The following PCDHGA7 variants were observed in gnomAD, a reference collection of about 807,000 sequenced individuals.
PCDHGA7 encodes protocadherin gamma-A7.
A neutral mutation model predicts 58.3 loss-of-function variants in PCDHGA7; 44 were observed. That is an observed-to-expected ratio of 0.75 (90% CI 0.59 to 0.97). The LOEUF is 0.97. Ranked by LOEUF, PCDHGA7 falls within the 50% of genes least tolerant of loss-of-function variation. The pLI, the probability that PCDHGA7 is intolerant of heterozygous loss-of-function variation, is 0.00. For missense variants in PCDHGA7, 1,266 were observed against 1,188.7 expected (o/e 1.06, Z -0.96); for synonymous variants, 516 against 504.2 (o/e 1.02, Z -0.31).
At position 141,489,300 on chromosome 5, in the gene PCDHGA7, C is replaced by T; in HGVS notation, c.2425-5507C>T. 1 of 1,585,700 alleles carries T rather than the reference C, an allele frequency of 6.3e-7. No individual in the cohort carries two copies. The highest frequency in any genetic ancestry group is 1.3e-5 in the African/African-American group (1 of 74,388). On this transcript the variant is annotated intron_variant, in intron 1 of 3. Coordinates refer to ENST00000518325, the MANE Select transcript of PCDHGA7 (RefSeq NM_018920.4). This position sits in a 1 kb window ranked among gnomAD's most constrained non-coding sequence, Gnocchi z 4.5. The stretch of plus-strand genomic sequence containing the variant: ...AATGGCAAGTGCTGTGCATGTTGTC[C>T]TTGTGCTGCTGGGGCTGGGTGTCTG...
chr5:141,439,625 CCA>C (rs1281773200), intron 1 of PCDHGA7, among the ~76,000 whole-genome samples: 1 of 152,150 alleles, frequency 6.6e-6, no homozygotes, highest in African/African-American at 2.4e-5. Flanking sequence ...GAGCCAATCC[CCA>C]GACATTCCGG....
chr5:141,501,544 G>T (rs1297191346), intron 2 of PCDHGA7, among the ~76,000 whole-genome samples: 3 of 151,962 alleles, frequency 2.0e-5, no homozygotes, highest in African/African-American at 7.3e-5. Flanking sequence ...TTGTGCATAA[G>T]ATCATAGGCC....
chr5:141,413,218 A>C, intron 1 of PCDHGA7: 1 of 1,613,610 alleles, frequency 6.2e-7, no homozygotes, highest in Non-Finnish European at 8.5e-7. Context: ...AAAGGATTGC[A>C]GCGGGCTGGT....
chr5:141,489,732 C>CA lies in PCDHGA7; in HGVS notation c.2425-5073dup, dbSNP rs770971020. On this transcript the variant is annotated intron_variant, in intron 1 of 3. Transcript: ENST00000518325. This position sits in a 1 kb window ranked among gnomAD's most constrained non-coding sequence, Gnocchi z 4.5. ...GTGCCCAGGATCCGGATGTGGGCAC[C>CA]AATACTGTGAGCTTTTACACTCTAA... 4.3e-6 allele frequency: 7 copies of CA among 1,614,008 alleles called. No individual in the cohort carries two copies. Among genetic ancestry groups the CA allele is most frequent in the Non-Finnish European group, 5.9e-6 (7 of 1,180,002 alleles).
intron 1 of PCDHGA7, among the ~76,000 whole-genome samples, chr5:141,405,721 A>G (rs1295046106): frequency 1.3e-5 from 2 of 151,702 alleles, no homozygotes; most frequent in African/African-American, 4.8e-5. Context: ...CAAGTGATCC[A>G]CCCACCTCAG....
Position 141,384,013 on chromosome 5 carries a change from C to T in PCDHGA7, c.1114C>T (p.Gln372Ter). 1 of 1,613,758 alleles carries T rather than the reference C, an allele frequency of 6.2e-7. No homozygotes were observed. Among genetic ancestry groups the T allele is most frequent in the Non-Finnish European group, 8.5e-7 (1 of 1,179,794 alleles). ...LGTVIALFYL[Q>*]DRDSGKNGEV... The stretch of plus-strand genomic sequence containing the variant: ...GACAGTCATTGCTCTTTTCTACCTA[C>T]AAGACAGAGATTCTGGAAAGAATGG... Residue 372 changes from glutamine to a stop codon, truncating the protein, a stop_gained, in exon 1 of 4, where the codon CAA becomes TAA. Transcript: ENST00000518325. LOFTEE classifies it high-confidence loss of function.
chr5:141,405,599 A>G, intron 1 of PCDHGA7: 2 of 575,638 alleles, frequency 3.5e-6, no homozygotes, highest in South Asian at 4.5e-5. Flanking sequence ...CCTCCCAAGT[A>G]GAATAACTGG....
chr5:141,422,355 T>A, intron 1 of PCDHGA7: 1 of 1,557,416 alleles, frequency 6.4e-7, no homozygotes, highest in Non-Finnish European at 8.6e-7. Flanking sequence ...AAGATCAAGA[T>A]TCTGGAGAAA....
In PCDHGA7 at chr5:141,485,308, A is replaced by G; in HGVS notation, c.2425-9499A>G. On this transcript the variant is annotated intron_variant, in intron 1 of 3. Coordinates refer to ENST00000518325, the MANE Select transcript of PCDHGA7 (RefSeq NM_018920.4). The surrounding 1 kb of genome is among the most constrained non-coding windows in gnomAD (Gnocchi z 5.7). ...AGGAGTCACAGGAAGGGACTTTTGTAGGGAATGTCGCTCAAGATTTCCTGC... is the reference window on the plus strand; with the variant it reads ...AGGAGTCACAGGAAGGGACTTTTGTGGGGAATGTCGCTCAAGATTTCCTGC... 6.2e-7 allele frequency: 1 copy of G among 1,614,112 alleles called. No individual in the cohort carries two copies. The highest frequency in any genetic ancestry group is 8.5e-7 in the Non-Finnish European group (1 of 1,179,996).
chr5:141,474,499 C>T (rs1480109147), intron 1 of PCDHGA7, among the ~76,000 whole-genome samples: 1 of 152,198 alleles, frequency 6.6e-6, no homozygotes, highest in Non-Finnish European at 1.5e-5. Context: ...TCTTCTAATG[C>T]CTATCAGCCC....
At position 141,423,201 on chromosome 5, in the gene PCDHGA7, C is replaced by T. The variant is rs749613139; in HGVS notation, c.2424+37878C>T. 24 of 1,613,628 alleles carry T rather than the reference C, an allele frequency of 1.5e-5. No homozygotes were observed. The South Asian group carries it at 1.5e-4, about 10-fold the overall frequency. ...ACGGCCAGCCCCCTCTCTCGGCCAC[C>T]GTCACGCTCACCGTGGCTGTGGCCG... On this transcript the variant is annotated intron_variant, in intron 1 of 3. Coordinates refer to ENST00000518325, the MANE Select transcript of PCDHGA7 (RefSeq NM_018920.4).
chr5:141,391,134 C>T (rs2092305385), intron 1 of PCDHGA7: 1 of 152,118 alleles, frequency 6.6e-6, no homozygotes, highest in African/African-American at 2.4e-5. Context: ...TAATCATTCT[C>T]CTACCTCTAG....
rs1367772661 is a variant in PCDHGA7, at chr5:141,512,193, GGAAGCTC to G, written c.*1026_*1032del. 2.0e-5 allele frequency: 3 copies of G among 152,756 alleles called. No homozygotes were observed. Among genetic ancestry groups the G allele is most frequent in the Non-Finnish European group, 4.4e-5 (3 of 68,136 alleles). 9.5% of individuals were successfully genotyped at this position (152,756 alleles called of 1,614,324 possible). ...GGATTAAACTGGCATTTCAGTCCAAGGAAGCTCGAAGCAGGTTTAGGACCAGGTCCCC... is the reference window on the plus strand; with the variant it reads ...GGATTAAACTGGCATTTCAGTCCAAGGAAGCAGGTTTAGGACCAGGTCCCC... On this transcript the variant is annotated 3_prime_UTR_variant, in exon 4 of 4. Coordinates refer to ENST00000518325, the MANE Select transcript of PCDHGA7 (RefSeq NM_018920.4).
At chr5:141,388,571 C>A in intron 1 of PCDHGA7, 2 of 1,613,830 alleles carry the variant, frequency 1.2e-6, no homozygotes, top group Non-Finnish European at 1.7e-6. Context: ...CACAGATACA[C>A]GTTCTAGTGA....
Position 141,489,552 on chromosome 5 carries a change from G to T in PCDHGA7, c.2425-5255G>T, listed in dbSNP as rs2099688780. ...GTGGAGCCAGCACCAGCTGCCTGCTGCCAGTGCAGGTGGTGACTGAACACC... is the reference window on the plus strand; with the variant it reads ...GTGGAGCCAGCACCAGCTGCCTGCTTCCAGTGCAGGTGGTGACTGAACACC... On this transcript the variant is annotated intron_variant, in intron 1 of 3. Coordinates refer to ENST00000518325, the MANE Select transcript of PCDHGA7 (RefSeq NM_018920.4). The surrounding 1 kb of genome is among the most constrained non-coding windows in gnomAD (Gnocchi z 4.5). The T allele has an allele frequency of 6.2e-7, 1 of 1,613,988 alleles. No homozygotes were observed. The highest frequency in any genetic ancestry group is 1.7e-5 in the Admixed American group (1 of 60,000).
intron 1 of PCDHGA7, among the ~76,000 whole-genome samples, chr5:141,467,441 T>C (rs919148544): frequency 6.6e-6 from 1 of 152,340 alleles, no homozygotes; most frequent in African/African-American, 2.4e-5. Context: ...CATTCATTAC[T>C]TTTTTCTTCC....
At chr5:141,388,390 A>C (rs202036029) in intron 1 of PCDHGA7, 182 of 1,613,912 alleles carry the variant, frequency 1.1e-4, no homozygotes, top group Non-Finnish European at 1.4e-4. Context: ...ACACTGCAGA[A>C]TTACCAACTC....
chr5:141,477,777 A>G lies in PCDHGA7; in HGVS notation c.2425-17030A>G, dbSNP rs775845004. ...GTCCTAGCCACCAACATCAGCGTGA[A>G]CATATTTGTCACTGATCGCAATGAC... is the stretch of plus-strand genomic sequence containing the variant. On this transcript the variant is annotated intron_variant, in intron 1 of 3. Transcript: ENST00000518325. The surrounding 1 kb of genome is among the most constrained non-coding windows in gnomAD (Gnocchi z 4.9). The G allele has an allele frequency of 1.9e-4, 299 of 1,613,944 alleles. No homozygotes were observed. Among genetic ancestry groups the G allele is most frequent in the Non-Finnish European group, 2.5e-4 (295 of 1,180,048 alleles).
intron 1 of PCDHGA7, chr5:141,423,381 G>T (rs2154550114): frequency 6.2e-7 from 1 of 1,614,204 alleles, no homozygotes; most frequent in East Asian, 2.2e-5. Flanking sequence ...TCAGGCTGTG[G>T]CGCTGGCATA....
Sources: gnomAD v4.1 joint callset for allele counts (sites outside exome capture counted in the v4.1 genomes callset) on GRCh38, gnomAD v4.1.1 for gene constraint, Gnocchi (gnomAD v3.1) non-coding constraint, MANE v1.5 for transcripts, NCBI Gene and HGNC (gene_info 2026-07-23, HGNC 2026-07-21) for gene names.